The following SLAMF1 variants were observed in gnomAD, a reference collection of about 807,000 sequenced individuals.
The protein encoded by SLAMF1 is signaling lymphocytic activation molecule.
In SLAMF1, 18 loss-of-function variants were observed where a neutral mutation model predicts 35.1. The ratio of observed to expected loss-of-function variants is 0.51; its 90% confidence interval spans 0.35 to 0.76. The LOEUF (loss-of-function observed/expected upper bound fraction) is 0.76, where lower values mean the gene tolerates loss of function less well. SLAMF1 is among the 30% of genes least tolerant of loss of function. The pLI is 0.01. For synonymous variants in SLAMF1, 168 were observed against 157.2 expected (o/e 1.07, Z -0.51); for missense variants, 392 against 413.0 (o/e 0.95, Z 0.44).
chr1:160,612,975 C>A (rs190375342), intron 5 of SLAMF1, among the ~76,000 whole-genome samples: 1 of 152,246 alleles, frequency 6.6e-6, no homozygotes, highest in African/African-American at 2.4e-5. Context: ...TTCTTGCATC[C>A]CACACTGCCA....
At chr1:160,625,548 CCTT>C (rs1659833514) in intron 3 of SLAMF1, among the ~76,000 whole-genome samples, 1 of 152,166 alleles carries the variant, frequency 6.6e-6, no homozygotes. Flanking sequence ...TTCTTTTTCT[CCTT>C]AGGCCTTTCA....
At chr1:160,627,613 C>A (rs1659947641) in intron 3 of SLAMF1, among the ~76,000 whole-genome samples, 1 of 152,072 alleles carries the variant, frequency 6.6e-6, no homozygotes, top group Non-Finnish European at 1.5e-5. Flanking sequence ...ACATGGAAAT[C>A]AAATGTCAGA....
chr1:160,621,317 A>G (rs1261965822), intron 4 of SLAMF1, among the ~76,000 whole-genome samples: 3 of 152,084 alleles, frequency 2.0e-5, no homozygotes, highest in African/African-American at 4.8e-5. Context: ...TCACAGCACT[A>G]TGGGAGGCTG....
In SLAMF1 at chr1:160,615,825, G is replaced by A. The variant is rs1231737771; in HGVS notation, c.865-3245C>T. On this transcript the variant is annotated intron_variant, in intron 5 of 6. Coordinates refer to ENST00000302035, the MANE Select transcript of SLAMF1 (RefSeq NM_003037.5). ...AGAGGGAGGTCATGTGAAGATGAAG[G>A]CAAAAATTGCAGATACACAACTACA... 6 of 230,560 alleles carry A rather than the reference G, an allele frequency of 2.6e-5. No homozygotes were observed. In the East Asian group the frequency reaches 6.3e-4, roughly 24 times the overall value. The allele number at this position is 230,560 out of a possible 1,614,324, so 14.3% of individuals were successfully genotyped here. A position where few individuals can be genotyped will look rare whatever the true frequency, so the allele number is the denominator to read the frequency against.
In SLAMF1 at chr1:160,637,525, C is replaced by T. The variant is rs755743723; in HGVS notation, c.81G>A (p.Gly27=). ...GAATCTTTGGGCAGTTCATCATGCG[C>T]CCACCTGTGGGAGGGAGGAGAAGAG... ...LAFGASYGTG[G]RMMNCPKILR... The change falls in exon 2 of 7, where the codon GGG becomes GGA. Residue 27 remains glycine (G), a synonymous_variant. Coordinates refer to ENST00000302035, the MANE Select transcript of SLAMF1 (RefSeq NM_003037.5). The T allele has an allele frequency of 3.7e-6, 6 of 1,607,462 alleles. No homozygotes were observed. In the African/African-American group the frequency reaches 5.3e-5, roughly 14 times the overall value.
chr1:160,643,049 A>T (rs62746260), intron 1 of SLAMF1, among the ~76,000 whole-genome samples: 1 of 6,550 alleles, frequency 1.5e-4, no homozygotes, highest in Non-Finnish European at 0.011. Flanking sequence ...TTGGCCCCCC[A>T]CTTCCCCCTA....
chr1:160,645,816 T>C (rs1156287504), intron 1 of SLAMF1, among the ~76,000 whole-genome samples: 2 of 152,022 alleles, frequency 1.3e-5, no homozygotes, highest in African/African-American at 4.8e-5. Context: ...AAAAGACACA[T>C]CCATTGTGCA....
intron 2 of SLAMF1, among the ~76,000 whole-genome samples, chr1:160,635,199 CTA>C (rs1309117284): frequency 3.3e-5 from 5 of 152,212 alleles, no homozygotes; most frequent in Admixed American, 3.3e-4. Context: ...CTCCTGTCTC[CTA>C]TCAGTGGAGT....
intron 3 of SLAMF1, among the ~76,000 whole-genome samples, chr1:160,630,684 A>G (rs1316785480): frequency 6.6e-6 from 1 of 152,098 alleles, no homozygotes; most frequent in Non-Finnish European, 1.5e-5. Flanking sequence ...GCCCCCAGGA[A>G]CTGGTTTCTC....
In SLAMF1 at chr1:160,617,464, T is replaced by G. The variant is rs1397762244; in HGVS notation, c.864+2312A>C. Among the ~76,000 whole-genome samples, 3 of 152,340 alleles carry G rather than the reference T, an allele frequency of 2.0e-5. No homozygotes were observed. The East Asian group carries it at 5.8e-4, about 29-fold the overall frequency. ...AACTGGATAAATAAACTCTAGTATA[T>G]TCATACGTTTATATTCTATGAAGCA... On this transcript the variant is annotated intron_variant, in intron 5 of 6. Transcript: ENST00000302035.
intron 1 of SLAMF1, among the ~76,000 whole-genome samples, chr1:160,645,643 C>A (rs909541613): frequency 2.6e-5 from 4 of 152,190 alleles, no homozygotes; most frequent in Non-Finnish European, 5.9e-5. Context: ...GTTGCAACAA[C>A]GGAGGCTTGG....
rs1317588676 is a variant in SLAMF1, at chr1:160,608,532, C to T, written c.*2216G>A. 1 of 152,280 alleles carries T rather than the reference C, an allele frequency of 6.6e-6. No homozygotes were observed. The highest frequency in any genetic ancestry group is 1.5e-5 in the Non-Finnish European group (1 of 68,092). The allele number at this position is 152,280 out of a possible 1,614,324, so 9.4% of individuals were successfully genotyped here. A position where few individuals can be genotyped will look rare whatever the true frequency, so the allele number is the denominator to read the frequency against. Reference sequence around the variant, plus strand: ...TGTAACCATGGTCTAGGGTGAGAGGCATAATGCCAGTGCTGTTTGGTGGGT... The same window carrying T: ...TGTAACCATGGTCTAGGGTGAGAGGTATAATGCCAGTGCTGTTTGGTGGGT... On this transcript the variant is annotated 3_prime_UTR_variant, in exon 7 of 7. Transcript: ENST00000302035.
chr1:160,617,957 CA>C (rs1236833689), intron 5 of SLAMF1, among the ~76,000 whole-genome samples: 2 of 152,140 alleles, frequency 1.3e-5, no homozygotes, highest in Non-Finnish European at 2.9e-5. Flanking sequence ...CCTGTAATCT[CA>C]GCTACTTGGA....
At chr1:160,631,950 G>A (rs955919884) in intron 3 of SLAMF1, among the ~76,000 whole-genome samples, 4 of 152,064 alleles carry the variant, frequency 2.6e-5, no homozygotes, top group Non-Finnish European at 5.9e-5. Flanking sequence ...GAGGAAATTT[G>A]GACACAGAAA....
intron 3 of SLAMF1, chr1:160,634,382 T>G (rs164287): frequency 1 from 981,931 of 984,220 alleles, 489,861 homozygotes; most frequent in East Asian, 1. Context: ...TCTGGGTCTG[T>G]CTCTATCACC....
In SLAMF1 at chr1:160,609,839, T is replaced by C. The variant is rs1166325532; in HGVS notation, c.*909A>G. The C allele has an allele frequency of 6.4e-6, 1 of 157,188 alleles. No individual in the cohort carries two copies. The highest frequency in any genetic ancestry group is 2.4e-5 in the African/African-American group (1 of 41,418). The allele number at this position is 157,188 out of a possible 1,614,324, so 9.7% of individuals were successfully genotyped here. On this transcript the variant is annotated 3_prime_UTR_variant, in exon 7 of 7. Coordinates refer to ENST00000302035, the MANE Select transcript of SLAMF1 (RefSeq NM_003037.5). The stretch of plus-strand genomic sequence containing the variant: ...CCCTTGAAGCCCTGGATATAAGAGG[T>C]TCAGAATCTGGTCACAGAGAGTCTT...
At chr1:160,624,711 C>T (rs1659790797) in intron 3 of SLAMF1, among the ~76,000 whole-genome samples, 1 of 152,176 alleles carries the variant, frequency 6.6e-6, no homozygotes, top group Non-Finnish European at 1.5e-5. Context: ...CCCAGCAGAC[C>T]TGAACTGAAA....
chr1:160,620,088 A>G (rs1310819017), intron 4 of SLAMF1, among the ~76,000 whole-genome samples: 1 of 152,224 alleles, frequency 6.6e-6, no homozygotes, highest in Non-Finnish European at 1.5e-5. Flanking sequence ...CTGTTGTGAT[A>G]ATTAAATGAG....
intron 5 of SLAMF1, among the ~76,000 whole-genome samples, chr1:160,614,897 T>A (rs1193549255): frequency 6.6e-6 from 1 of 152,180 alleles, no homozygotes; most frequent in Non-Finnish European, 1.5e-5. Context: ...GATTTGTACA[T>A]CTTTAGGGAG....
Sources: gnomAD v4.1 joint callset for allele counts (sites outside exome capture counted in the v4.1 genomes callset) on GRCh38, gnomAD v4.1.1 for gene constraint, MANE v1.5 for transcripts, NCBI Gene and HGNC (gene_info 2026-07-23, HGNC 2026-07-21) for gene names.